Variants in MEI1 observed in about 807,000 individuals in gnomAD.
MEI1 encodes the protein meiosis inhibitor protein 1.
MEI1 carries 103 observed loss-of-function variants against 146.2 expected under a neutral mutation model. That is an observed-to-expected ratio of 0.70 (90% CI 0.60 to 0.83). The LOEUF is 0.83. Among genes scored for constraint, MEI1 ranks in the 40% least tolerant of loss-of-function variants. The pLI, the probability that MEI1 is intolerant of heterozygous loss-of-function variation, is 0.00. For synonymous variants in MEI1, 652 were observed against 628.2 expected (o/e 1.04, Z -0.57); for missense variants, 1,529 against 1,533.0 (o/e 1.00, Z 0.04).
At chr22:41,732,029 C>CTATGGCTT (rs2147584743) in intron 9 of MEI1, among the ~76,000 whole-genome samples, 1 of 152,282 alleles carries the variant, frequency 6.6e-6, no homozygotes, top group African/African-American at 2.4e-5. Flanking sequence ...AGGGACTGTG[C>CTATGGCTT]TATGGCTTGT....
At chr22:41,703,246 T>C in intron 1 of MEI1, 85 bp from the exon 2 acceptor site, 1 of 1,436,460 alleles carries the variant, frequency 7.0e-7, no homozygotes, top group Non-Finnish European at 9.6e-7. Context: ...TATCATCTTG[T>C]AATTGTATTT....
intron 26 of MEI1, among the ~76,000 whole-genome samples, chr22:41,788,240 GCTGGTCTCGAACT>G (rs1417588255): frequency 6.6e-6 from 1 of 152,028 alleles, no homozygotes; most frequent in Non-Finnish European, 1.5e-5. Context: ...TGTTGGCCAG[GCTGGTCTCGAACT>G]CGTGACCTCA....
At chr22:41,741,612 C>T (rs143913452) in intron 11 of MEI1, among the ~76,000 whole-genome samples, 1 of 152,228 alleles carries the variant, frequency 6.6e-6, no homozygotes, top group Non-Finnish European at 1.5e-5. Context: ...TGCGTATAGT[C>T]TCATAGAATG....
At chr22:41,734,848 G>A (rs1337985476) in intron 11 of MEI1, among the ~76,000 whole-genome samples, 2 of 151,918 alleles carry the variant, frequency 1.3e-5, no homozygotes, top group African/African-American at 4.8e-5. Flanking sequence ...CGTTGGCCAG[G>A]GTGGTCTCGA....
chr22:41,770,886 G>T lies in MEI1; in HGVS notation c.2469G>T (p.Gln823His), dbSNP rs372214277. The change falls in exon 20 of 31, where the codon CAG becomes CAT. Residue 823 changes from glutamine to histidine, a missense_variant. Around this residue, in one of 3 missense-constraint regions of MEI1, gnomAD observed 1,212 missense variants for 1,178.9 expected, o/e 1.03. Transcript: ENST00000401548. ...EELDDVTSAG[Q>H]PALPASLVVL... is the part of the protein sequence containing the mutation. ...TGGATGATGTCACCTCTGCTGGGCAGCCCGCCCTTCCTGCCAGCTTAGTAG... is the reference window on the plus strand; with the variant it reads ...TGGATGATGTCACCTCTGCTGGGCATCCCGCCCTTCCTGCCAGCTTAGTAG... 16 of 1,614,026 alleles carry T rather than the reference G, an allele frequency of 9.9e-6. No individual in the cohort carries two copies. Among genetic ancestry groups the T allele is most frequent in the Non-Finnish European group, 1.4e-5 (16 of 1,179,902 alleles).
At chr22:41,725,980 G>T (rs2071313668) in intron 7 of MEI1, among the ~76,000 whole-genome samples, 1 of 152,156 alleles carries the variant, frequency 6.6e-6, no homozygotes, top group Non-Finnish European at 1.5e-5. Context: ...AGGAGCTCTG[G>T]TTAGAAGTGA....
chr22:41,775,320 T>C (rs902806713), intron 20 of MEI1, among the ~76,000 whole-genome samples: 5 of 152,152 alleles, frequency 3.3e-5, no homozygotes, highest in African/African-American at 1.2e-4. Flanking sequence ...CTGTCCTAAT[T>C]TATCCTCTGC....
chr22:41,740,940 C>T lies in MEI1; in HGVS notation c.1332-2140C>T, dbSNP rs533097449. On this transcript the variant is annotated intron_variant, in intron 11 of 30. Coordinates refer to ENST00000401548, the MANE Select transcript of MEI1 (RefSeq NM_152513.4). ...TCAACAAAGGCTCAGGGATGAGGGT[C>T]TTGCTCTGTCACCAGGCTGGAGTGC... 9.2e-5 allele frequency among the ~76,000 whole-genome samples: 14 copies of T among 152,204 alleles called. No homozygotes were observed. In the South Asian group the frequency reaches 2.9e-3, roughly 32 times the overall value.
intron 19 of MEI1, among the ~76,000 whole-genome samples, chr22:41,766,319 G>A (rs183249092): frequency 7.3e-5 from 11 of 151,706 alleles, no homozygotes; most frequent in Admixed American, 2.6e-4. Flanking sequence ...TTACAGGTGC[G>A]TGCCACCATG....
intron 19 of MEI1, among the ~76,000 whole-genome samples, chr22:41,764,700 A>T (rs577042495): frequency 6.6e-6 from 1 of 152,306 alleles, no homozygotes; most frequent in South Asian, 2.1e-4. Flanking sequence ...ACTTGTCCAC[A>T]CACAACCACC....
At chr22:41,717,586 C>T (rs577955206) in intron 5 of MEI1, among the ~76,000 whole-genome samples, 1 of 151,890 alleles carries the variant, frequency 6.6e-6, no homozygotes, top group Admixed American at 6.6e-5. Flanking sequence ...GAATGAGCCA[C>T]TGCACCTGGC....
chr22:41,722,454 T>C (rs2070944216), intron 6 of MEI1, among the ~76,000 whole-genome samples: 1 of 151,272 alleles, frequency 6.6e-6, no homozygotes. Flanking sequence ...CACGCCACCT[T>C]GCCAGCATTT....
At chr22:41,746,746 C>T (rs1277909533) in intron 14 of MEI1, among the ~76,000 whole-genome samples, 1 of 152,144 alleles carries the variant, frequency 6.6e-6, no homozygotes, top group Non-Finnish European at 1.5e-5. Context: ...TTACTGGGAA[C>T]AGTAGGTGGC....
At chr22:41,741,866 C>T (rs1275490321) in intron 11 of MEI1, among the ~76,000 whole-genome samples, 1 of 148,928 alleles carries the variant, frequency 6.7e-6, no homozygotes, top group Admixed American at 6.7e-5. Flanking sequence ...ATCACTTAAA[C>T]CCGGGAGGCA....
At chr22:41,702,021 T>C (rs2068750031) in intron 1 of MEI1, among the ~76,000 whole-genome samples, 1 of 152,214 alleles carries the variant, frequency 6.6e-6, no homozygotes, top group Non-Finnish European at 1.5e-5. Context: ...TAGGATTTTT[T>C]GAGTAGCTCA....
intron 10 of MEI1, 44 bp from the exon 11 acceptor site, chr22:41,732,425 G>C: frequency 6.2e-7 from 1 of 1,613,684 alleles, no homozygotes; most frequent in Non-Finnish European, 8.5e-7. Flanking sequence ...GGTGGGGTCA[G>C]TGAGAAGAGT....
At chr22:41,794,567 C>T (rs2076298727) in intron 28 of MEI1, 90 bp downstream of exon 28, 1 of 1,066,854 alleles carries the variant, frequency 9.4e-7, no homozygotes, top group East Asian at 2.4e-5. Flanking sequence ...TTAGGTAACC[C>T]TAATCCTTAA....
rs2075764291 is a variant in MEI1, at chr22:41,781,692, A to G, written c.2934A>G (p.Ala978=). ...TTPSSQKRAA[A]VLLSSTGLME... ...CTTGCCCACCCCCGACAGCTGCTGC[A>G]GTGCTCCTGAGCAGCACAGGCCTGA... Residue 978 remains alanine (A), a synonymous_variant, in exon 24 of 31, where the codon GCA becomes GCG. Coordinates refer to ENST00000401548, the MANE Select transcript of MEI1 (RefSeq NM_152513.4). 6.2e-7 allele frequency: 1 copy of G among 1,613,162 alleles called. No homozygotes were observed. Among genetic ancestry groups the G allele is most frequent in the Admixed American group, 1.7e-5 (1 of 59,986 alleles).
chr22:41,767,709 A>G, intron 19 of MEI1: 1 of 423,846 alleles, frequency 2.4e-6, no homozygotes, highest in South Asian at 1.6e-5. Context: ...GCTAGGTACC[A>G]TGTGGGGCCC....
Sources: gnomAD v4.1 joint callset for allele counts (sites outside exome capture counted in the v4.1 genomes callset) on GRCh38, gnomAD v4.1.1 for gene constraint, gnomAD v4.1.1 regional missense constraint, MANE v1.5 for transcripts, NCBI Gene and HGNC (gene_info 2026-07-23, HGNC 2026-07-21) for gene names.